GABRA3: variants seen among roughly 807,000 people sequenced by gnomAD.
GABRA3 encodes gamma-aminobutyric acid type A receptor subunit alpha3.
Under a neutral mutation model 30.1 loss-of-function variants are expected in GABRA3, and 10 were observed. The ratio of observed to expected loss-of-function variants is 0.33; its 90% CI spans 0.20 to 0.56. The LOEUF is 0.56. GABRA3 is among the 20% of genes least tolerant of loss of function. The pLI is 0.89. For synonymous variants in GABRA3, 151 were observed against 146.8 expected (o/e 1.03, Z -0.21); for missense variants, 233 against 392.0 (o/e 0.59, Z 3.42).
At chrX:152,342,186 T>C (rs185619980) in intron 3 of GABRA3, among the ~76,000 whole-genome samples, 10 of 113,029 alleles carry the variant, frequency 8.8e-5, no homozygotes, top group African/African-American at 2.9e-4. Flanking sequence ...GACTTTTTAA[T>C]AATGGCCATT....
chrX:152,265,303 T>C (rs1938804089), intron 4 of GABRA3, among the ~76,000 whole-genome samples: 1 of 111,470 alleles, frequency 9.0e-6, no homozygotes, highest in East Asian at 2.8e-4. Flanking sequence ...GCCTATTCTC[T>C]AACCACAATG....
intron 3 of GABRA3, among the ~76,000 whole-genome samples, chrX:152,289,708 G>T (rs1174874765): frequency 3.7e-5 from 4 of 107,298 alleles, no homozygotes; most frequent in Admixed American, 3.0e-4. Context: ...GATGTTCCCT[G>T]CCCTGTGTCC....
chrX:152,409,354 G>T (rs1318435852), intron 1 of GABRA3, among the ~76,000 whole-genome samples: 2 of 111,045 alleles, frequency 1.8e-5, no homozygotes, highest in African/African-American at 3.3e-5. Context: ...TCTAAAGAAA[G>T]AAATCAATCA....
chrX:152,432,216 C>G (rs1037331005), intron 1 of GABRA3, among the ~76,000 whole-genome samples: 1 of 111,376 alleles, frequency 9.0e-6, no homozygotes, highest in Non-Finnish European at 1.9e-5. Flanking sequence ...AATAAATTTG[C>G]ATAAACATTT....
At chrX:152,233,380 C>G (rs5969871) in intron 5 of GABRA3, among the ~76,000 whole-genome samples, 4 of 109,381 alleles carry the variant, frequency 3.7e-5, no homozygotes, top group African/African-American at 6.7e-5. Flanking sequence ...TCAAAAAGTG[C>G]GCGAAGGACA....
intron 8 of GABRA3, among the ~76,000 whole-genome samples, chrX:152,193,298 C>T (rs770088695): frequency 2.3e-4 from 26 of 111,701 alleles, no homozygotes; most frequent in Admixed American, 1.1e-3. Context: ...TATGTACTCA[C>T]TTGTGTCTGG....
chrX:152,410,019 T>A (rs1052034751), intron 1 of GABRA3, among the ~76,000 whole-genome samples: 1 of 112,323 alleles, frequency 8.9e-6, no homozygotes, highest in African/African-American at 3.2e-5. Context: ...CAATGAAATA[T>A]TATTTGTCAT....
intron 6 of GABRA3, among the ~76,000 whole-genome samples, chrX:152,215,429 A>C (rs1248392496): frequency 9.0e-6 from 1 of 110,555 alleles, no homozygotes; most frequent in Non-Finnish European, 1.9e-5. Context: ...TTTGTCCTTC[A>C]TTTTGTTGAT....
intron 5 of GABRA3, among the ~76,000 whole-genome samples, chrX:152,230,626 GA>G (rs371973272): frequency 1.0e-4 from 11 of 110,501 alleles, no homozygotes; most frequent in African/African-American, 3.6e-4. Flanking sequence ...TAGACTAATG[GA>G]AAAAAATAGA....
At chrX:152,447,618 G>A (rs1287777147) in intron 1 of GABRA3, among the ~76,000 whole-genome samples, 1 of 111,950 alleles carries the variant, frequency 8.9e-6, no homozygotes, top group Non-Finnish European at 1.9e-5. Flanking sequence ...TCACCCACTT[G>A]GAATATATAA....
intron 9 of GABRA3, among the ~76,000 whole-genome samples, chrX:152,185,701 T>A (rs1276768704): frequency 9.0e-6 from 1 of 111,648 alleles, no homozygotes; most frequent in Non-Finnish European, 1.9e-5. Flanking sequence ...TCTCACTAGT[T>A]CTAGGTGATT....
intron 6 of GABRA3, among the ~76,000 whole-genome samples, chrX:152,216,095 GA>G (rs1264005188): frequency 2.7e-5 from 3 of 110,224 alleles, no homozygotes; most frequent in Non-Finnish European, 5.7e-5. Context: ...ACAAGTGCTG[GA>G]AAAGATGAGA....
chrX:152,417,291 C>T (rs1176457743), intron 1 of GABRA3, among the ~76,000 whole-genome samples: 2 of 102,223 alleles, frequency 2.0e-5, no homozygotes. Context: ...ACATCACTGG[C>T]CATCAGAGAA....
chrX:152,314,734 T>C (rs1220203641), intron 3 of GABRA3, among the ~76,000 whole-genome samples: 1 of 112,358 alleles, frequency 8.9e-6, no homozygotes, highest in Non-Finnish European at 1.9e-5. Flanking sequence ...AGAGGCATTC[T>C]CTCTGTTTTT....
chrX:152,341,844 T>C (rs1318074085), intron 3 of GABRA3, among the ~76,000 whole-genome samples: 1 of 110,471 alleles, frequency 9.1e-6, no homozygotes, highest in African/African-American at 3.3e-5. Flanking sequence ...CCAGCCTGAC[T>C]TTATTTTGTT....
intron 1 of GABRA3, among the ~76,000 whole-genome samples, chrX:152,442,066 A>ATCTGCTTC (rs1930944906): frequency 9.0e-6 from 1 of 111,415 alleles, no homozygotes. Context: ...GATATATGCT[A>ATCTGCTTC]TATATATCAC....
At chrX:152,312,249 C>T (rs1375265961) in intron 3 of GABRA3, among the ~76,000 whole-genome samples, 16 of 111,999 alleles carry the variant, frequency 1.4e-4, no homozygotes, top group Admixed American at 3.8e-4. Flanking sequence ...TATAAGGCTA[C>T]AATAACCAAA....
At chrX:152,277,029 T>A (rs1017313809) in intron 4 of GABRA3, among the ~76,000 whole-genome samples, 4 of 111,806 alleles carry the variant, frequency 3.6e-5, no homozygotes, top group African/African-American at 1.3e-4. Context: ...ATTTGACTCA[T>A]TTTTAAGATT....
rs1940163140 is a variant in GABRA3, at chrX:152,331,335, C to T, written c.262+14246G>A. ...CAGAAGCTAGATAGCTAAGTATCAG[C>T]AGTGCTACAAAAGGGATTATCGTCC... On this transcript the variant is annotated intron_variant, in intron 3 of 9. Transcript: ENST00000370314. 8.1e-5 allele frequency among the ~76,000 whole-genome samples: 9 copies of T among 110,591 alleles called. No homozygotes were observed. In the Admixed American group the frequency reaches 8.8e-4, roughly 11 times the overall value.
Sources: allele counts gnomAD v4.1 joint callset (sites outside exome capture counted in the v4.1 genomes callset), GRCh38; gene constraint gnomAD v4.1.1; transcripts MANE v1.5; gene names NCBI Gene and HGNC (gene_info 2026-07-23, HGNC 2026-07-21).